Variants in L3MBTL4 observed in about 807,000 individuals in gnomAD.
The protein encoded by L3MBTL4 is lethal(3)malignant brain tumor-like protein 4.
L3MBTL4 carries 70 observed loss-of-function variants against 84.5 expected under a neutral mutation model. That is an observed-to-expected ratio of 0.83 (90% CI 0.68 to 1.01). The LOEUF (loss-of-function observed/expected upper bound fraction) is 1.01, where lower values mean the gene tolerates loss of function less well. Among genes scored for constraint, L3MBTL4 ranks in the 50% least tolerant of loss-of-function variants. The probability of loss-of-function intolerance (pLI) is 0.00; values close to 1 mark genes in which losing one functional copy is unlikely to be tolerated. For synonymous variants in L3MBTL4, 274 were observed against 259.8 expected, an observed-to-expected ratio of 1.05 and a Z score of -0.52; for missense variants, 715 against 754.8, an observed-to-expected ratio of 0.95 and a Z score of 0.62.
Position 6,123,321 on chromosome 18 carries a change from TG to T in L3MBTL4, c.1199+14872del, listed in dbSNP as rs530635973. Among the ~76,000 whole-genome samples, 187 of 152,326 alleles carry T rather than the reference TG, an allele frequency of 1.2e-3. 1 individual carries two copies. The highest frequency in any genetic ancestry group is 5.1e-3 in the Admixed American group (78 of 15,300). On this transcript the variant is annotated intron_variant, in intron 14 of 18. Transcript: ENST00000317931. ...TCTCTTAAACAATATTGAGATGGTT[TG>T]GCTGTTTACCCACTCAATCTAATCT... is the stretch of plus-strand genomic sequence containing the variant.
In L3MBTL4 at chr18:6,244,844, T is replaced by C. The variant is rs371595620; in HGVS notation, c.220-256A>G. Among the ~76,000 whole-genome samples, 5 of 152,324 alleles carry C rather than the reference T, an allele frequency of 3.3e-5. No individual in the cohort carries two copies. The East Asian group carries it at 7.7e-4, about 23-fold the overall frequency. On this transcript the variant is annotated intron_variant, in intron 5 of 18. Coordinates refer to ENST00000317931, the MANE Select transcript of L3MBTL4 (RefSeq NM_001330559.2). ...TGTGTGAGTATGCTTGATTCAATCA[T>C]TCCACACTGTGTACATACAGCATAA...
At chr18:6,155,666 G>T (rs145596639) in intron 13 of L3MBTL4, among the ~76,000 whole-genome samples, 1 of 152,068 alleles carries the variant, frequency 6.6e-6, no homozygotes, top group Non-Finnish European at 1.5e-5. Flanking sequence ...AAGCATAAAC[G>T]AAAAGTAACA....
intron 1 of L3MBTL4, among the ~76,000 whole-genome samples, chr18:6,318,876 C>T (rs113151121): frequency 0.088 from 13,387 of 152,096 alleles, 1,835 homozygotes; most frequent in African/African-American, 0.3. Flanking sequence ...GACCATATAA[C>T]AGGCCACAAA....
chr18:6,226,504 A>G (rs953725655), intron 10 of L3MBTL4, among the ~76,000 whole-genome samples: 1 of 152,236 alleles, frequency 6.6e-6, no homozygotes. Context: ...GAACATATAG[A>G]AGGTAAAATT....
chr18:6,378,972 AC>A (rs142971330), intron 1 of L3MBTL4, among the ~76,000 whole-genome samples: 21,511 of 152,008 alleles, frequency 0.14, 1,962 homozygotes, highest in East Asian at 0.3. Context: ...TTTTCCATTT[AC>A]TTGTGTCCTC....
intron 12 of L3MBTL4, among the ~76,000 whole-genome samples, chr18:6,205,140 G>A (rs1004053760): frequency 6.6e-6 from 1 of 152,264 alleles, no homozygotes; most frequent in South Asian, 2.1e-4. Context: ...ATTATTCAGC[G>A]AGCTCAAAGA....
intron 16 of L3MBTL4, among the ~76,000 whole-genome samples, chr18:6,071,467 C>A (rs1218956705): frequency 6.7e-6 from 1 of 150,274 alleles, no homozygotes; most frequent in Non-Finnish European, 1.5e-5. Flanking sequence ...GTATTAAATC[C>A]TTCAATTAAG....
At chr18:6,068,698 C>T (rs1252269936) in intron 16 of L3MBTL4, among the ~76,000 whole-genome samples, 3 of 152,198 alleles carry the variant, frequency 2.0e-5, no homozygotes, top group African/African-American at 7.2e-5. Flanking sequence ...GCTGTGTGTG[C>T]AGTGGTGTAC....
intron 1 of L3MBTL4, among the ~76,000 whole-genome samples, chr18:6,391,998 A>C (rs1387706872): frequency 6.6e-6 from 1 of 152,158 alleles, no homozygotes; most frequent in East Asian, 1.9e-4. Context: ...GAACAATCCT[A>C]AAATTCATAT....
intron 12 of L3MBTL4, among the ~76,000 whole-genome samples, chr18:6,192,777 G>T (rs1048479665): frequency 4.6e-5 from 7 of 152,116 alleles, no homozygotes; most frequent in Admixed American, 3.3e-4. Flanking sequence ...GCCTCACTCC[G>T]GGAGGCAGGT....
At chr18:6,109,812 C>T (rs559893025) in intron 14 of L3MBTL4, among the ~76,000 whole-genome samples, 1 of 152,262 alleles carries the variant, frequency 6.6e-6, no homozygotes, top group Admixed American at 6.5e-5. Flanking sequence ...GAGAGATTTT[C>T]ATTACTTCTT....
chr18:6,339,457 T>C (rs1191459876), intron 1 of L3MBTL4, among the ~76,000 whole-genome samples: 4 of 152,178 alleles, frequency 2.6e-5, no homozygotes, highest in African/African-American at 4.8e-5. Context: ...AATTCAGATA[T>C]GATAAACCAC....
intron 16 of L3MBTL4, among the ~76,000 whole-genome samples, chr18:6,073,926 G>A (rs1478280421): frequency 6.6e-6 from 1 of 152,106 alleles, no homozygotes; most frequent in Non-Finnish European, 1.5e-5. Flanking sequence ...ATATAGCTGT[G>A]AATGAAGACA....
intron 17 of L3MBTL4, among the ~76,000 whole-genome samples, chr18:5,965,125 A>G (rs2052281587): frequency 6.6e-6 from 1 of 152,236 alleles, no homozygotes; most frequent in African/African-American, 2.4e-5. Context: ...AACAATCCTT[A>G]TAACCTATGA....
intron 5 of L3MBTL4, among the ~76,000 whole-genome samples, chr18:6,262,065 C>T (rs148815999): frequency 1.4e-3 from 211 of 152,274 alleles, no homozygotes; most frequent in Middle Eastern, 0.01. Context: ...GCCATCGGGG[C>T]GCAAACCTCA....
intron 16 of L3MBTL4, chr18:6,032,385 T>TCAC (rs150758288): frequency 2.9e-6 from 1 of 339,086 alleles, no homozygotes; most frequent in Non-Finnish European, 4.1e-6. Context: ...TGAAATATGT[T>TCAC]ACACACACAC....
intron 3 of L3MBTL4, among the ~76,000 whole-genome samples, chr18:6,307,571 C>T (rs1472902392): frequency 2.0e-5 from 3 of 152,174 alleles, no homozygotes; most frequent in Admixed American, 2.0e-4. Context: ...AGGTCAGACT[C>T]AAGCTCCCGA....
chr18:6,308,896 T>A (rs1024970644), intron 3 of L3MBTL4, among the ~76,000 whole-genome samples: 1 of 152,202 alleles, frequency 6.6e-6, no homozygotes, highest in Non-Finnish European at 1.5e-5. Flanking sequence ...CTGTTTTATT[T>A]TTTAACCATA....
chr18:6,162,081 C>A (rs2043367705), intron 13 of L3MBTL4, among the ~76,000 whole-genome samples: 1 of 151,712 alleles, frequency 6.6e-6, no homozygotes, highest in Non-Finnish European at 1.5e-5. Context: ...TAAAGAAAAA[C>A]AGATGAGAAT....
Sources: allele counts gnomAD v4.1 joint callset (sites outside exome capture counted in the v4.1 genomes callset), GRCh38; gene constraint gnomAD v4.1.1; transcripts MANE v1.5; gene names NCBI Gene and HGNC (gene_info 2026-07-23, HGNC 2026-07-21).